FHIT: variants seen among roughly 807,000 people sequenced by gnomAD.
FHIT encodes the protein fragile histidine triad diadenosine triphosphatase.
A neutral mutation model predicts 17.9 loss-of-function variants in FHIT; 19 were observed. The observed-to-expected ratio is 1.06, with a 90% CI of 0.74 to 1.56. The LOEUF is 1.56. FHIT is among the 40% of genes most tolerant of loss of function. The pLI is 0.00. For missense variants in FHIT, 248 were observed against 189.2 expected (o/e 1.31, Z -1.82); for synonymous variants, 81 against 69.7 (o/e 1.16, Z -0.81).
intron 5 of FHIT, among the ~76,000 whole-genome samples, chr3:60,099,846 G>A (rs1236394443): frequency 6.6e-6 from 1 of 152,110 alleles, no homozygotes; most frequent in Non-Finnish European, 1.5e-5. Context: ...TCATGAAAGC[G>A]GAAACTCTGG....
In FHIT at chr3:60,443,223, T is replaced by G. The variant is rs369694939; in HGVS notation, c.103+93637A>C. Among the ~76,000 whole-genome samples, 85 of 152,250 alleles carry G rather than the reference T, an allele frequency of 5.6e-4. 1 individual carries two copies. The highest frequency in any genetic ancestry group is 2.7e-3 in the South Asian group (13 of 4,816). On this transcript the variant is annotated intron_variant, in intron 5 of 9. Transcript: ENST00000492590. Reference sequence around the variant, plus strand: ...ATACAATCATGTCATCTGCAAACAGTGACAATTTGACTTCCTCTTTTCCTA... The same window carrying G: ...ATACAATCATGTCATCTGCAAACAGGGACAATTTGACTTCCTCTTTTCCTA...
chr3:61,108,083 T>C (rs1283890290), intron 2 of FHIT, among the ~76,000 whole-genome samples: 2 of 152,240 alleles, frequency 1.3e-5, no homozygotes, highest in African/African-American at 2.4e-5. Context: ...TGACATTTTA[T>C]TGTGACTTGA....
intron 5 of FHIT, among the ~76,000 whole-genome samples, chr3:60,407,513 A>C (rs909557622): frequency 1.3e-5 from 2 of 152,138 alleles, no homozygotes; most frequent in Admixed American, 6.6e-5. Context: ...GCAAATGTAC[A>C]TACTATATTT....
chr3:60,108,592 C>T (rs556700079), intron 5 of FHIT, among the ~76,000 whole-genome samples: 3 of 152,140 alleles, frequency 2.0e-5, no homozygotes, highest in Non-Finnish European at 4.4e-5. Context: ...GGACTCCTAG[C>T]TCGACAGATC....
intron 4 of FHIT, among the ~76,000 whole-genome samples, chr3:60,802,643 A>G (rs868984486): frequency 1.1e-4 from 16 of 152,168 alleles, no homozygotes; most frequent in Non-Finnish European, 1.8e-4. Flanking sequence ...CAAAGAAAAA[A>G]GAAACAAATT....
chr3:59,847,200 G>T (rs1419195245), intron 8 of FHIT, among the ~76,000 whole-genome samples: 1 of 151,784 alleles, frequency 6.6e-6, no homozygotes, highest in South Asian at 2.1e-4. Flanking sequence ...TTCCTTCTGG[G>T]GCTCTCACAA....
At chr3:59,972,116 G>A (rs1264933107) in intron 7 of FHIT, among the ~76,000 whole-genome samples, 1 of 152,096 alleles carries the variant, frequency 6.6e-6, no homozygotes, top group Non-Finnish European at 1.5e-5. Flanking sequence ...GGACCAGCTA[G>A]CAAGATGGCA....
intron 4 of FHIT, among the ~76,000 whole-genome samples, chr3:60,683,916 C>T (rs1245266234): frequency 6.6e-6 from 1 of 151,990 alleles, no homozygotes; most frequent in African/African-American, 2.4e-5. Context: ...ATATTTTTTT[C>T]TCAGCATGTT....
intron 5 of FHIT, among the ~76,000 whole-genome samples, chr3:60,503,394 A>G (rs529905429): frequency 6.6e-6 from 1 of 152,256 alleles, no homozygotes; most frequent in Non-Finnish European, 1.5e-5. Flanking sequence ...ACATTTACAT[A>G]ATTTATGTGT....
intron 2 of FHIT, among the ~76,000 whole-genome samples, chr3:61,137,352 A>T (rs2036947512): frequency 7.0e-6 from 1 of 142,332 alleles, no homozygotes; most frequent in Non-Finnish European, 1.5e-5. Flanking sequence ...GCTAAATCCT[A>T]CCCATTCTTC....
rs1296327932 is a variant in FHIT, at chr3:60,694,760, T to C, written c.-18+127159A>G. Among the ~76,000 whole-genome samples the C allele has an allele frequency of 2.6e-5, 4 of 152,170 alleles. No individual in the cohort carries two copies. The East Asian group carries it at 5.8e-4, about 22-fold the overall frequency. On this transcript the variant is annotated intron_variant, in intron 4 of 9. Coordinates refer to ENST00000492590, the MANE Select transcript of FHIT (RefSeq NM_002012.4). ...TAAAAAAGGATGACTTCATGTCCTT[T>C]GTAGGGACATGGATGAAGCTGGAAA... is the stretch of plus-strand genomic sequence containing the variant.
rs565946417 is a variant in FHIT at position 60,541,201 on chromosome 3, T to C, written c.-17-4222A>G. 4.6e-5 allele frequency among the ~76,000 whole-genome samples: 7 copies of C among 152,350 alleles called. No homozygotes were observed. The South Asian group carries it at 8.3e-4, about 18-fold the overall frequency. On this transcript the variant is annotated intron_variant, in intron 4 of 9. Coordinates refer to ENST00000492590, the MANE Select transcript of FHIT (RefSeq NM_002012.4). ...AAGACAGTCAACTCTACAAATAACA[T>C]AGTTGCTCTTTATACCAAGTCCATC...
Position 60,286,027 on chromosome 3 carries a change from G to A in FHIT, c.103+250833C>T, listed in dbSNP as rs568779110. Reference sequence around the variant, plus strand: ...GCATCCCAGGAGAGGGTAAGTGGGTGTAGAGGGGGAGGAAGCAGGGGTGGG... The same window carrying A: ...GCATCCCAGGAGAGGGTAAGTGGGTATAGAGGGGGAGGAAGCAGGGGTGGG... On this transcript the variant is annotated intron_variant, in intron 5 of 9. Coordinates refer to ENST00000492590, the MANE Select transcript of FHIT (RefSeq NM_002012.4). Among the ~76,000 whole-genome samples the A allele has an allele frequency of 9.8e-5, 15 of 152,296 alleles. No individual in the cohort carries two copies. In the South Asian group the frequency reaches 2.7e-3, roughly 27 times the overall value.
chr3:61,109,384 A>T lies in FHIT; in HGVS notation c.-163-67285T>A, dbSNP rs75353913. Among the ~76,000 whole-genome samples the T allele has an allele frequency of 1.4e-4, 22 of 152,274 alleles. No homozygotes were observed. The South Asian group carries it at 4.6e-3, about 32-fold the overall frequency. On this transcript the variant is annotated intron_variant, in intron 2 of 9. Coordinates refer to ENST00000492590, the MANE Select transcript of FHIT (RefSeq NM_002012.4). Reference sequence around the variant, plus strand: ...TCTGAGCCCCTGGCCTGTCCAATGGAACATGGCTGTATAGGGAATCAAGGC... The same window carrying T: ...TCTGAGCCCCTGGCCTGTCCAATGGTACATGGCTGTATAGGGAATCAAGGC...
intron 5 of FHIT, among the ~76,000 whole-genome samples, chr3:60,190,824 T>C (rs946724325): frequency 5.9e-5 from 9 of 152,012 alleles, no homozygotes; most frequent in Admixed American, 2.0e-4. Flanking sequence ...ACACGTGTAG[T>C]CCCAGCTACT....
intron 3 of FHIT, among the ~76,000 whole-genome samples, chr3:60,971,098 T>C (rs191198139): frequency 1.8e-4 from 28 of 152,306 alleles, no homozygotes; most frequent in African/African-American, 6.5e-4. Flanking sequence ...CCAGGCGCAG[T>C]GGCTTACACC....
Position 60,880,282 on chromosome 3 carries a change from C to G in FHIT, c.-110-58271G>C, listed in dbSNP as rs147875327. On this transcript the variant is annotated intron_variant, in intron 3 of 9. Transcript: ENST00000492590. ...AGGATACTATATCCAGCAAATATAT[C>G]CTTTAGAAATGAGGAAGAAATAAAA... is the stretch of plus-strand genomic sequence containing the variant. Among the ~76,000 whole-genome samples the G allele has an allele frequency of 3.2e-3, 480 of 152,248 alleles. 3 individuals are homozygous for G. The highest frequency in any genetic ancestry group is 0.011 in the African/African-American group (452 of 41,554).
chr3:60,398,817 G>A (rs1559882808), intron 5 of FHIT, among the ~76,000 whole-genome samples: 1 of 151,716 alleles, frequency 6.6e-6, no homozygotes, highest in African/African-American at 2.4e-5. Flanking sequence ...CACATAGGTG[G>A]AAAAAAAATC....
chr3:61,231,997 T>C (rs2040115507), intron 1 of FHIT, among the ~76,000 whole-genome samples: 2 of 152,282 alleles, frequency 1.3e-5, no homozygotes, highest in South Asian at 4.1e-4. Context: ...TCTGCCCTTC[T>C]GCACCAATAA....
Sources: allele counts gnomAD v4.1 joint callset (sites outside exome capture counted in the v4.1 genomes callset), GRCh38; gene constraint gnomAD v4.1.1; transcripts MANE v1.5; gene names NCBI Gene and HGNC (gene_info 2026-07-23, HGNC 2026-07-21).